The following RMDN2 variants were observed in gnomAD, a reference collection of about 807,000 sequenced individuals.
RMDN2 encodes regulator of microtubule dynamics 2, also known as regulator of microtubule dynamics protein 2.
In RMDN2, 61 loss-of-function variants were observed where a neutral mutation model predicts 52.8. The observed-to-expected ratio is 1.16, with a 90% CI of 0.94 to 1.43. RMDN2 has a LOEUF of 1.43. Among genes scored for constraint, RMDN2 ranks in the 40% most tolerant of loss-of-function variants. The probability of loss-of-function intolerance (pLI) is 0.00; values close to 1 mark genes in which losing one functional copy is unlikely to be tolerated. For missense variants in RMDN2, 592 were observed against 475.3 expected, an observed-to-expected ratio of 1.25 and a Z score of -2.28; for synonymous variants, 180 against 153.1, an observed-to-expected ratio of 1.18 and a Z score of -1.30.
chr2:38,053,211 T>G (rs1390893790), intron 10 of RMDN2, among the ~76,000 whole-genome samples: 1 of 152,190 alleles, frequency 6.6e-6, no homozygotes, highest in Non-Finnish European at 1.5e-5. Context: ...TGATTTTTTT[T>G]GGAAGGAAAA....
intron 10 of RMDN2, among the ~76,000 whole-genome samples, chr2:38,040,327 A>G (rs887124282): frequency 1.3e-5 from 2 of 152,142 alleles, no homozygotes; most frequent in African/African-American, 4.8e-5. Flanking sequence ...TAAAATTCAC[A>G]TGCTGGAACT....
At position 37,974,193 on chromosome 2, in the gene RMDN2, A is replaced by G. The variant is rs1672162510; in HGVS notation, c.606A>G (p.Leu202=). ...SESGKSESFE[L]LRDHKEKFRD... ...CTGGCAAGTCGGAGAGTTTTGAACTACTTCGTGACCACAAAGAAAAGGTAA... is the reference window on the plus strand; with the variant it reads ...CTGGCAAGTCGGAGAGTTTTGAACTGCTTCGTGACCACAAAGAAAAGGTAA... The change falls in exon 3 of 11, where the codon CTA becomes CTG. Residue 202 remains leucine, a synonymous_variant. Coordinates refer to ENST00000354545, the MANE Select transcript of RMDN2 (RefSeq NM_001170791.3). 6.2e-7 allele frequency: 1 copy of G among 1,611,386 alleles called. No individual in the cohort carries two copies. Among genetic ancestry groups the G allele is most frequent in the Non-Finnish European group, 8.5e-7 (1 of 1,178,970 alleles).
intron 5 of RMDN2, among the ~76,000 whole-genome samples, chr2:37,982,805 CTAGA>C (rs948076447): frequency 4.6e-5 from 7 of 152,048 alleles, no homozygotes; most frequent in Non-Finnish European, 7.4e-5. Flanking sequence ...CCAGGTTTAC[CTAGA>C]TAATCTAATT....
At chr2:37,971,043 G>A (rs1265645148) in intron 2 of RMDN2, among the ~76,000 whole-genome samples, 2 of 151,890 alleles carry the variant, frequency 1.3e-5, no homozygotes, top group East Asian at 1.9e-4. Flanking sequence ...AAGCACCTAA[G>A]TTTTTCATTT....
intron 2 of RMDN2, among the ~76,000 whole-genome samples, chr2:37,938,154 G>A (rs142538326): frequency 1.4e-3 from 211 of 152,162 alleles, no homozygotes; most frequent in African/African-American, 4.9e-3. Flanking sequence ...TGAGATAATC[G>A]TGTGTTTTTT....
At chr2:38,024,886 A>T (rs1679661768) in intron 10 of RMDN2, among the ~76,000 whole-genome samples, 1 of 151,984 alleles carries the variant, frequency 6.6e-6, no homozygotes. Context: ...TGTTCCATTG[A>T]TCTATTTATT....
chr2:37,991,519 A>C (rs1160646325), intron 7 of RMDN2, among the ~76,000 whole-genome samples: 1 of 151,982 alleles, frequency 6.6e-6, no homozygotes, highest in Non-Finnish European at 1.5e-5. Context: ...GTATTTTATA[A>C]TTTATAAACT....
At chr2:37,947,737 A>G (rs1384207858) in intron 2 of RMDN2, among the ~76,000 whole-genome samples, 3 of 152,222 alleles carry the variant, frequency 2.0e-5, no homozygotes, top group Non-Finnish European at 4.4e-5. Flanking sequence ...GCATTTTTCA[A>G]TAGCTGAATT....
At chr2:37,966,805 A>G (rs1040942315) in intron 2 of RMDN2, among the ~76,000 whole-genome samples, 1 of 152,146 alleles carries the variant, frequency 6.6e-6, no homozygotes, top group African/African-American at 2.4e-5. Context: ...CACTGGTTTC[A>G]CACTTTTTTG....
intron 2 of RMDN2, among the ~76,000 whole-genome samples, chr2:37,971,708 C>T (rs1671834569): frequency 6.6e-6 from 1 of 152,104 alleles, no homozygotes; most frequent in Non-Finnish European, 1.5e-5. Context: ...ATCATTCACT[C>T]ATCTATTGCT....
downstream of RMDN2, among the ~76,000 whole-genome samples, chr2:38,019,209 T>C (rs1273565407): frequency 6.6e-6 from 1 of 152,196 alleles, no homozygotes; most frequent in Non-Finnish European, 1.5e-5. Flanking sequence ...GAATCAAGTA[T>C]GTTGTAGGTT....
intron 10 of RMDN2, chr2:38,036,130 T>C (rs769167942): frequency 5.9e-5 from 9 of 152,010 alleles, no homozygotes; most frequent in Non-Finnish European, 1.2e-4. Flanking sequence ...GCCTATGATA[T>C]AGAATCATGA....
chr2:37,976,370 T>G (rs888639932), intron 4 of RMDN2: 1 of 152,212 alleles, frequency 6.6e-6, no homozygotes, highest in Non-Finnish European at 1.5e-5. Context: ...GACATCAAAA[T>G]CTTTTGAATT....
chr2:38,011,829 G>C (rs904553207), intron 10 of RMDN2, among the ~76,000 whole-genome samples: 1 of 152,106 alleles, frequency 6.6e-6, no homozygotes, highest in Non-Finnish European at 1.5e-5. Flanking sequence ...AGCAAAGCTC[G>C]GTTTGCCTGG....
intron 2 of RMDN2, chr2:37,951,826 AT>A: frequency 1.2e-6 from 2 of 1,613,720 alleles, no homozygotes; most frequent in Non-Finnish European, 1.7e-6. Context: ...AACACTATTG[AT>A]ACAGCCTCCT....
rs138322066 is a variant in RMDN2 at position 37,955,565 on chromosome 2, G to C, written c.453-18475G>C. On this transcript the variant is annotated intron_variant, in intron 2 of 10. Transcript: ENST00000354545. ...CAGAATTCCCACATGTTGTGGGAGG[G>C]ACCCAGGGGGAGGTAATTGAATCAT... is the stretch of plus-strand genomic sequence containing the variant. Among the ~76,000 whole-genome samples the C allele has an allele frequency of 3.2e-3, 488 of 152,202 alleles. 2 individuals are homozygous for C. Among genetic ancestry groups the C allele is most frequent in the African/African-American group, 0.011 (456 of 41,530 alleles).
At chr2:37,993,711 A>C (rs1675126276) in intron 7 of RMDN2, among the ~76,000 whole-genome samples, 1 of 133,332 alleles carries the variant, frequency 7.5e-6, no homozygotes, top group South Asian at 2.6e-4. Flanking sequence ...AGCAGAGAGC[A>C]GCTTGAAGAC....
upstream of RMDN2, among the ~76,000 whole-genome samples, chr2:37,922,444 T>G (rs1053356259): frequency 1.3e-5 from 2 of 150,678 alleles, no homozygotes; most frequent in African/African-American, 4.9e-5. Context: ...AAATTGACAC[T>G]CCCATCTCAC....
At chr2:38,025,429 G>A (rs1679707786) in intron 10 of RMDN2, among the ~76,000 whole-genome samples, 1 of 151,988 alleles carries the variant, frequency 6.6e-6, no homozygotes, top group Admixed American at 6.6e-5. Context: ...TGTGTATAAA[G>A]ACAGTTTTAC....
Sources: gnomAD v4.1 joint callset for allele counts (sites outside exome capture counted in the v4.1 genomes callset) on GRCh38, gnomAD v4.1.1 for gene constraint, MANE v1.5 for transcripts, NCBI Gene and HGNC (gene_info 2026-07-23, HGNC 2026-07-21) for gene names.